The following POLR3A variants were observed in gnomAD, a reference collection of about 807,000 sequenced individuals.
POLR3A encodes DNA-directed RNA polymerase III subunit RPC1.
Under a neutral mutation model 152.8 loss-of-function variants are expected in POLR3A, and 112 were observed. That is an observed-to-expected ratio of 0.73 (90% CI 0.63 to 0.86). The LOEUF is 0.86. Ranked by LOEUF, POLR3A falls within the 40% of genes least tolerant of loss-of-function variation. POLR3A has a pLI of 0.00. For missense variants in POLR3A, 1,385 were observed against 1,743.1 expected (o/e 0.79, Z 3.66); for synonymous variants, 615 against 652.1 (o/e 0.94, Z 0.87).
chr10:78,022,415 A>T (rs1162211990), intron 5 of POLR3A, 31 bp from the exon 6 acceptor site: 1 of 1,610,026 alleles, frequency 6.2e-7, no homozygotes, highest in African/African-American at 1.3e-5. Flanking sequence ...AGAAATGGAG[A>T]TACTATGTTA....
chr10:77,979,609 C>T (rs543675587), intron 30 of POLR3A, among the ~76,000 whole-genome samples: 66 of 152,276 alleles, frequency 4.3e-4, no homozygotes, highest in African/African-American at 1.4e-3. Flanking sequence ...CTGGTGGACT[C>T]GACAGCAAGC....
intron 9 of POLR3A, among the ~76,000 whole-genome samples, 172 bp downstream of exon 9, chr10:78,018,990 C>A (rs1170485237): frequency 6.6e-6 from 1 of 152,176 alleles, no homozygotes; most frequent in African/African-American, 2.4e-5. Flanking sequence ...TATTCAATGA[C>A]TGAACAGAGC....
Position 77,993,191 on chromosome 10 carries a change from T to C in POLR3A, c.2787+6A>G, listed in dbSNP as rs1589307189. 6.2e-7 allele frequency: 1 copy of C among 1,610,276 alleles called. No homozygotes were observed. The highest frequency in any genetic ancestry group is 2.2e-5 in the East Asian group (1 of 44,860). Reference sequence around the variant, plus strand: ...CTCTAACCCCAGATATAATGCTAAATCTTACTTTGATGTTGTCCAGAACCC... The same window carrying C: ...CTCTAACCCCAGATATAATGCTAAACCTTACTTTGATGTTGTCCAGAACCC... On this transcript the variant is annotated splice_donor_region_variant and intron_variant, in intron 20 of 30. Transcript: ENST00000372371.
At chr10:77,979,895 G>A (rs551239582) in intron 30 of POLR3A, among the ~76,000 whole-genome samples, 2 of 152,286 alleles carry the variant, frequency 1.3e-5, no homozygotes, top group South Asian at 2.1e-4. Context: ...TCTTTGCTTC[G>A]TGGACCAAAA....
chr10:78,016,836 T>C (rs992511389), intron 10 of POLR3A, among the ~76,000 whole-genome samples: 6 of 145,050 alleles, frequency 4.1e-5, no homozygotes, highest in Non-Finnish European at 9.0e-5. Context: ...ACTGTGCCAC[T>C]GCACTCCAGC....
chr10:78,004,426 G>A (rs1255680432), intron 16 of POLR3A, among the ~76,000 whole-genome samples: 1 of 152,162 alleles, frequency 6.6e-6, no homozygotes, highest in Non-Finnish European at 1.5e-5. Context: ...CGAATGAACA[G>A]ATGGCTATGT....
At chr10:78,000,784 A>G (rs1049518355) in intron 18 of POLR3A, among the ~76,000 whole-genome samples, 192 bp downstream of exon 18, 1 of 152,200 alleles carries the variant, frequency 6.6e-6, no homozygotes, top group Non-Finnish European at 1.5e-5. Context: ...TTGGCCTCCC[A>G]AAGTGCTAGA....
intron 21 of POLR3A, 110 bp downstream of exon 21, chr10:77,990,944 C>T (rs1847241630): frequency 2.8e-6 from 2 of 709,894 alleles, no homozygotes; most frequent in East Asian, 5.4e-5. Context: ...AAGGAACAAC[C>T]CTACCTTAAA....
At chr10:77,984,552 C>A (rs1847179778) in intron 24 of POLR3A, among the ~76,000 whole-genome samples, 1 of 152,170 alleles carries the variant, frequency 6.6e-6, no homozygotes, top group African/African-American at 2.4e-5. Context: ...ACCATGTTAG[C>A]CAGGATGTCT....
At chr10:78,014,976 A>G (rs1305349546) in intron 10 of POLR3A, among the ~76,000 whole-genome samples, 1 of 152,234 alleles carries the variant, frequency 6.6e-6, no homozygotes, top group Non-Finnish European at 1.5e-5. Context: ...GGCAATGATA[A>G]CAAATGAATT....
Position 77,976,973 on chromosome 10 carries a change from C to T in POLR3A, c.*505G>A, listed in dbSNP as rs1847095123. 1 of 154,236 alleles carries T rather than the reference C, an allele frequency of 6.5e-6. No individual in the cohort carries two copies. Among genetic ancestry groups the T allele is most frequent in the African/African-American group, 2.4e-5 (1 of 41,484 alleles). 9.6% of individuals were successfully genotyped at this position (154,236 alleles called of 1,614,324 possible). On this transcript the variant is annotated 3_prime_UTR_variant, in exon 31 of 31. Coordinates refer to ENST00000372371, the MANE Select transcript of POLR3A (RefSeq NM_007055.4). ...AAAATAACAAAAATTCCAAATCCCT[C>T]AAATGGAACAAATAAATAATAGTAA...
In POLR3A at chr10:78,011,421, G is replaced by T. The variant is rs185662052; in HGVS notation, c.1573-881C>A. On this transcript the variant is annotated intron_variant, in intron 11 of 30. Transcript: ENST00000372371. Reference sequence around the variant, plus strand: ...TAAAGAAGGCTCTGTGTGTATGAGAGTACATTTGCTCTAATCTTGATATGA... The same window carrying T: ...TAAAGAAGGCTCTGTGTGTATGAGATTACATTTGCTCTAATCTTGATATGA... Among the ~76,000 whole-genome samples, 642 of 152,282 alleles carry T rather than the reference G, an allele frequency of 4.2e-3. 1 individual carries two copies. Among genetic ancestry groups the T allele is most frequent in the Middle Eastern group, 6.8e-3 (2 of 294 alleles).
At position 78,024,659 on chromosome 10, in the gene POLR3A, A is replaced by T; in HGVS notation, c.535T>A (p.Tyr179Asn). Reference sequence around the variant, plus strand: ...TCCACCACTTTTTTGTTGGTCTTGTATTTCTCATGAATTATTTTCAGCAGT... The same window carrying T: ...TCCACCACTTTTTTGTTGGTCTTGTTTTTCTCATGAATTATTTTCAGCAGT... ...CGLLKIIHEK[Y>N]KTNKKVVDPI... The change falls in exon 5 of 31, where the codon TAC (tyrosine) becomes AAC (asparagine). Residue 179 changes from tyrosine (Y) to asparagine (N), a missense_variant. This residue lies in a region of POLR3A where 493 missense variants were observed against 647.5 expected (regional missense o/e 0.76). Coordinates refer to ENST00000372371, the MANE Select transcript of POLR3A (RefSeq NM_007055.4). The T allele has an allele frequency of 6.2e-7, 1 of 1,613,870 alleles. No individual in the cohort carries two copies. Among genetic ancestry groups the T allele is most frequent in the Non-Finnish European group, 8.5e-7 (1 of 1,179,756 alleles).
chr10:78,027,931 T>C (rs966780457), intron 1 of POLR3A, among the ~76,000 whole-genome samples: 4 of 152,140 alleles, frequency 2.6e-5, no homozygotes, highest in African/African-American at 9.7e-5. Flanking sequence ...TTTGTGAGAA[T>C]GTATTATATC....
chr10:78,029,345 C>T lies in POLR3A; in HGVS notation c.44+19G>A, dbSNP rs774328064. 12 of 1,613,840 alleles carry T rather than the reference C, an allele frequency of 7.4e-6. No homozygotes were observed. In the South Asian group the frequency reaches 1.2e-4, roughly 16 times the overall value. The stretch of plus-strand genomic sequence containing the variant: ...TTGCCCTATTTCTCAGCCCTTTGGC[C>T]ACTCTTACTCCGTCTTACATTTTCT... On this transcript the variant is annotated intron_variant, in intron 1 of 30. Transcript: ENST00000372371.
chr10:78,018,011 A>G (rs1847541473), intron 9 of POLR3A, among the ~76,000 whole-genome samples: 1 of 151,720 alleles, frequency 6.6e-6, no homozygotes, highest in African/African-American at 2.4e-5. Flanking sequence ...TTGTCTCTAC[A>G]AAAAATACAA....
chr10:78,012,731 T>TC (rs1687348636), intron 11 of POLR3A, among the ~76,000 whole-genome samples: 1 of 151,312 alleles, frequency 6.6e-6, no homozygotes, highest in Non-Finnish European at 1.5e-5. Flanking sequence ...TTTTTTTTTT[T>TC]CTTCTTTTGA....
At position 77,982,227 on chromosome 10, in the gene POLR3A, C is replaced by T. The variant is rs774028921; in HGVS notation, c.3686G>A (p.Gly1229Asp). 6.2e-7 allele frequency: 1 copy of T among 1,613,976 alleles called. No homozygotes were observed. The highest frequency in any genetic ancestry group is 2.2e-5 in the East Asian group (1 of 44,866). The change falls in exon 28 of 31, where the codon GGT (glycine) becomes GAT (aspartate). Residue 1229 changes from glycine to aspartate, a missense_variant. By Grantham distance (94) the Gly-to-Asp change is moderately conservative. This residue lies in a region of POLR3A where 332 missense variants were observed against 400.1 expected (regional missense o/e 0.83). Coordinates refer to ENST00000372371, the MANE Select transcript of POLR3A (RefSeq NM_007055.4). ...GGCCATGACTGCCCGCAGGTTATCA[C>T]CTTCCACCAGAAGCTTGTACTTCTC... ...GKEKYKLLVE[G>D]DNLRAVMATH...
At chr10:78,021,284 A>G (rs1474669631) in intron 8 of POLR3A, among the ~76,000 whole-genome samples, 2 of 152,134 alleles carry the variant, frequency 1.3e-5, no homozygotes, top group Non-Finnish European at 2.9e-5. Context: ...TATTAATTGG[A>G]AAAAAAGTTG....
Sources: gnomAD v4.1 joint callset for allele counts (sites outside exome capture counted in the v4.1 genomes callset) on GRCh38, gnomAD v4.1.1 for gene constraint, gnomAD v4.1.1 regional missense constraint, MANE v1.5 for transcripts, NCBI Gene and HGNC (gene_info 2026-07-23, HGNC 2026-07-21) for gene names.